The following SGCD variants were observed in gnomAD, a reference collection of about 807,000 sequenced individuals.
SGCD encodes the protein sarcoglycan delta, also known as delta-sarcoglycan.
SGCD carries 18 observed loss-of-function variants against 36.6 expected under a neutral mutation model. The observed-to-expected ratio is 0.49, with a 90% CI of 0.34 to 0.73. SGCD has a LOEUF of 0.73. SGCD is among the 30% of genes least tolerant of loss of function. The probability of loss-of-function intolerance (pLI) is 0.01; values close to 1 mark genes in which losing one functional copy is unlikely to be tolerated. For synonymous variants in SGCD, 133 were observed against 130.6 expected (o/e 1.02, Z -0.12); for missense variants, 387 against 346.7 (o/e 1.12, Z -0.92).
intron 3 of SGCD, among the ~76,000 whole-genome samples, chr5:156,304,151 G>A (rs531441665): frequency 6.6e-6 from 1 of 152,236 alleles, no homozygotes; most frequent in East Asian, 1.9e-4. Context: ...TTGCTGAGAT[G>A]GGTAACTTCC....
chr5:155,889,677 A>C lies in SGCD; in HGVS notation c.-282+19253A>C, dbSNP rs188935498. ...GGGTGGTAGGAGAAAGAATGATTGG[A>C]AAGGTAGTCAGGGACCTGCTCTCTT... On this transcript the variant is annotated intron_variant, in intron 1 of 9. Transcript: ENST00000517913. Among the ~76,000 whole-genome samples, 13 of 152,316 alleles carry C rather than the reference A, an allele frequency of 8.5e-5. No individual in the cohort carries two copies. The East Asian group carries it at 2.3e-3, about 27-fold the overall frequency.
chr5:156,177,369 A>G (rs1763499500), intron 3 of SGCD, among the ~76,000 whole-genome samples: 1 of 152,132 alleles, frequency 6.6e-6, no homozygotes. Flanking sequence ...TCTTTTCTAA[A>G]TGGTAGAGAT....
chr5:156,367,114 CAT>C (rs1770146774), intron 3 of SGCD, among the ~76,000 whole-genome samples: 3 of 152,224 alleles, frequency 2.0e-5, no homozygotes, highest in South Asian at 2.1e-4. Flanking sequence ...GAACTATTAA[CAT>C]ATGAAAAATT....
chr5:156,307,559 T>TG (rs1767256546), intron 3 of SGCD, among the ~76,000 whole-genome samples: 373 of 134,302 alleles, frequency 2.8e-3, no homozygotes, highest in Non-Finnish European at 4.8e-3. Flanking sequence ...ACTGTTGTTT[T>TG]TTTTTTTTTT....
intron 3 of SGCD, among the ~76,000 whole-genome samples, chr5:156,384,596 G>A (rs991032909): frequency 6.6e-6 from 1 of 152,228 alleles, no homozygotes; most frequent in African/African-American, 2.4e-5. Flanking sequence ...AAAGTTAAGT[G>A]CCAAGAGAGA....
intron 7 of SGCD, among the ~76,000 whole-genome samples, chr5:156,703,104 G>A (rs1754592224): frequency 6.6e-6 from 1 of 152,224 alleles, no homozygotes; most frequent in Admixed American, 6.5e-5. Flanking sequence ...GATGTTGCTT[G>A]CAATGCTTGC....
At chr5:155,829,190 G>T in the SGCD span, among the ~76,000 whole-genome samples, 1 of 152,042 alleles carries the variant, frequency 6.6e-6, no homozygotes, top group Non-Finnish European at 1.5e-5. Context: ...AGTCCTGGGG[G>T]CAGGATGAAC....
At chr5:155,805,946 A>G in the SGCD span, among the ~76,000 whole-genome samples, 2 of 152,148 alleles carry the variant, frequency 1.3e-5, no homozygotes, top group Admixed American at 6.5e-5. Flanking sequence ...TTAGAAGCAG[A>G]CCATATTGGG....
At chr5:156,664,469 T>A (rs376395860) in intron 7 of SGCD, among the ~76,000 whole-genome samples, 2 of 143,514 alleles carry the variant, frequency 1.4e-5, no homozygotes, top group African/African-American at 5.4e-5. Context: ...GAGGGGCAGG[T>A]ACTTCCTGGG....
intron 3 of SGCD, among the ~76,000 whole-genome samples, chr5:156,238,149 C>T (rs1185441322): frequency 5.3e-5 from 8 of 152,066 alleles, no homozygotes; most frequent in Non-Finnish European, 1.0e-4. Flanking sequence ...CTTTCTGTTT[C>T]CCAGGCTCTT....
chr5:156,551,003 C>T (rs572109140), intron 4 of SGCD, among the ~76,000 whole-genome samples: 77 of 152,280 alleles, frequency 5.1e-4, no homozygotes, highest in African/African-American at 1.7e-3. Flanking sequence ...TCTCAGTCTT[C>T]CAATATTCCT....
At chr5:156,694,464 T>A (rs1332720216) in intron 7 of SGCD, among the ~76,000 whole-genome samples, 1 of 152,222 alleles carries the variant, frequency 6.6e-6, no homozygotes, top group East Asian at 1.9e-4. Context: ...AATTTTTAAT[T>A]TTTTTTTCTA....
intron 6 of SGCD, among the ~76,000 whole-genome samples, chr5:156,622,158 C>T (rs1406171941): frequency 2.6e-5 from 4 of 152,040 alleles, no homozygotes; most frequent in East Asian, 3.9e-4. Flanking sequence ...GAGGGCCAGC[C>T]GTGGTGGCTC....
chr5:156,217,399 T>C (rs571749433), intron 3 of SGCD, among the ~76,000 whole-genome samples: 1 of 152,280 alleles, frequency 6.6e-6, no homozygotes, highest in African/African-American at 2.4e-5. Context: ...CCTCTATAGA[T>C]CACCAAGGAG....
intron 3 of SGCD, among the ~76,000 whole-genome samples, chr5:156,218,184 G>A (rs1306810903): frequency 1.3e-5 from 2 of 152,178 alleles, no homozygotes; most frequent in South Asian, 2.1e-4. Context: ...CCTGGGAAGC[G>A]AAGGTTGCAG....
chr5:156,607,829 G>T (rs1761548555), intron 6 of SGCD, among the ~76,000 whole-genome samples: 1 of 152,180 alleles, frequency 6.6e-6, no homozygotes, highest in African/African-American at 2.4e-5. Flanking sequence ...TAGTTTATTT[G>T]TGTAGAGGTG....
intron 3 of SGCD, among the ~76,000 whole-genome samples, chr5:156,492,963 T>C (rs946819005): frequency 1.1e-4 from 16 of 152,316 alleles, no homozygotes; most frequent in South Asian, 8.3e-4. Context: ...CAGTCTATCA[T>C]TGATGGGCAT....
rs61248074 is a variant in SGCD, at chr5:156,080,511, G to A, written c.-281-37367G>A. Reference sequence around the variant, plus strand: ...GATCTGCTTCCTGTTTAAATGTAAAGTCTAACTTTGTTGTTTCATTGCTCC... The same window carrying A: ...GATCTGCTTCCTGTTTAAATGTAAAATCTAACTTTGTTGTTTCATTGCTCC... On this transcript the variant is annotated intron_variant, in intron 1 of 9. Coordinates refer to the SGCD transcript ENST00000517913. Among the ~76,000 whole-genome samples the A allele has an allele frequency of 4.6e-3, 698 of 152,296 alleles. 3 individuals are homozygous for A. Among genetic ancestry groups the A allele is most frequent in the African/African-American group, 0.015 (610 of 41,560 alleles).
At chr5:156,403,619 C>CTTTGTG (rs1772266844) in intron 3 of SGCD, among the ~76,000 whole-genome samples, 1 of 152,146 alleles carries the variant, frequency 6.6e-6, no homozygotes, top group South Asian at 2.1e-4. Flanking sequence ...GCTCCCGTGT[C>CTTTGTG]TTTGTGTGCA....
Sources: gnomAD v4.1 joint callset for allele counts (sites outside exome capture counted in the v4.1 genomes callset) on GRCh38, gnomAD v4.1.1 for gene constraint, MANE v1.5 for transcripts, NCBI Gene and HGNC (gene_info 2026-07-23, HGNC 2026-07-21) for gene names.